CFAP221: variants seen among roughly 807,000 people sequenced by gnomAD.
The protein encoded by CFAP221 is cilia and flagella associated protein 221, also known as cilia- and flagella-associated protein 221.
In CFAP221, 97 loss-of-function variants were observed where a neutral mutation model predicts 113.1. That is an observed-to-expected ratio of 0.86 (90% CI 0.73 to 1.02). The LOEUF is 1.02. CFAP221 is among the 50% of genes least tolerant of loss of function. The pLI is 0.00. For missense variants in CFAP221, 1,025 were observed against 1,013.4 expected (o/e 1.01, Z -0.16); for synonymous variants, 331 against 354.4 (o/e 0.93, Z 0.74).
At chr2:119,578,250 A>G (rs530481263) in intron 6 of CFAP221, among the ~76,000 whole-genome samples, 120 of 152,366 alleles carry the variant, frequency 7.9e-4, no homozygotes, top group Middle Eastern at 3.4e-3. Context: ...CTATTAGTTA[A>G]GTAGTCCTAG....
At position 119,547,503 on chromosome 2, in the gene CFAP221, G is replaced by A. The variant is rs1452402120; in HGVS notation, c.139+1233G>A. Among the ~76,000 whole-genome samples, 12 of 152,268 alleles carry A rather than the reference G, an allele frequency of 7.9e-5. No homozygotes were observed. In the East Asian group the frequency reaches 1.9e-3, roughly 25 times the overall value. ...GAACCCAGGAGGCGGAGGTTGCAGT[G>A]AGCCAAGATGGCGCCACTGCACTCC... is the stretch of plus-strand genomic sequence containing the variant. On this transcript the variant is annotated intron_variant, in intron 2 of 23. Coordinates refer to ENST00000413369, the MANE Select transcript of CFAP221 (RefSeq NM_001271049.2).
At chr2:119,602,476 C>T (rs546898630) in intron 8 of CFAP221, 2 of 331,610 alleles carry the variant, frequency 6.0e-6, no homozygotes, top group African/African-American at 2.2e-5. Context: ...TGGTTTTCCT[C>T]TTCTTTGCGC....
At chr2:119,592,078 C>T (rs960746470) in intron 7 of CFAP221, among the ~76,000 whole-genome samples, 2 of 152,014 alleles carry the variant, frequency 1.3e-5, no homozygotes, top group Non-Finnish European at 2.9e-5. Context: ...TCTCATCACT[C>T]CAGAAATATC....
intron 4 of CFAP221, 45 bp downstream of exon 4, chr2:119,559,820 G>A (rs745451256): frequency 4.7e-6 from 7 of 1,486,904 alleles, no homozygotes; most frequent in Middle Eastern, 1.7e-4. Context: ...GTGGTTGTCT[G>A]CGTCTCAGGC....
chr2:119,630,044 T>C, intron 17 of CFAP221, 89 bp downstream of exon 17: 1 of 1,198,756 alleles, frequency 8.3e-7, no homozygotes, highest in Non-Finnish European at 1.2e-6. Flanking sequence ...TTTATAGTTT[T>C]GCTTTATGGT....
chr2:119,563,493 T>A (rs2104547549), intron 6 of CFAP221, among the ~76,000 whole-genome samples: 1 of 152,264 alleles, frequency 6.6e-6, no homozygotes, highest in South Asian at 2.1e-4. Context: ...ATATATACTG[T>A]CCTGAGTCCC....
chr2:119,583,428 TCA>T (rs1682983375), intron 6 of CFAP221, among the ~76,000 whole-genome samples: 1 of 136,272 alleles, frequency 7.3e-6, no homozygotes, highest in African/African-American at 2.8e-5. Flanking sequence ...ATTTTATGAC[TCA>T]CACTGGGATT....
chr2:119,549,231 C>A (rs796159496), intron 3 of CFAP221, 46 bp downstream of exon 3: 1 of 1,358,388 alleles, frequency 7.4e-7, no homozygotes, highest in Non-Finnish European at 1.0e-6. Flanking sequence ...AATGAAGTGA[C>A]AAAAATGTTC....
chr2:119,563,211 G>C (rs934667208), intron 6 of CFAP221, among the ~76,000 whole-genome samples: 2 of 152,128 alleles, frequency 1.3e-5, no homozygotes, highest in South Asian at 4.1e-4. Context: ...ACATTCTCCT[G>C]TGTACTTCAA....
rs28660282 is a variant in CFAP221 at position 119,648,027 on chromosome 2, A to C, written c.2318+977A>C. 1.9e-3 allele frequency among the ~76,000 whole-genome samples: 290 copies of C among 152,274 alleles called. 1 individual carries two copies. The highest frequency in any genetic ancestry group is 6.5e-3 in the African/African-American group (271 of 41,564). On this transcript the variant is annotated intron_variant, in intron 22 of 23. Coordinates refer to ENST00000413369, the MANE Select transcript of CFAP221 (RefSeq NM_001271049.2). ...CACTGACTTCACCTCTCAGTGCCCC[A>C]ATGTCCTCATTTTCAAATGGAATGA...
rs758283586 is a variant in CFAP221 at position 119,611,666 on chromosome 2, A to G, written c.1235A>G (p.Asp412Gly). 1.9e-6 allele frequency: 3 copies of G among 1,613,364 alleles called. No individual in the cohort carries two copies. Among genetic ancestry groups the G allele is most frequent in the Admixed American group, 3.3e-5 (2 of 59,772 alleles). Residue 412 changes from aspartate to glycine, a missense_variant, in exon 13 of 24, where the codon GAT (aspartate) becomes GGT (glycine). Asp to Gly is a moderately conservative substitution (Grantham distance 94). Transcript: ENST00000413369. Reference sequence around the variant, plus strand: ...TTAAAAACCCAGCTAGACAGAGGAGATCCTATTTTGGATGAGGAATTTCAG... The same window carrying G: ...TTAAAAACCCAGCTAGACAGAGGAGGTCCTATTTTGGATGAGGAATTTCAG... Reference protein sequence around the residue: ...ACAKYKLDRGDPILDEEFQRL... With the variant: ...ACAKYKLDRGGPILDEEFQRL...
At chr2:119,556,678 G>A (rs965942257) in intron 3 of CFAP221, among the ~76,000 whole-genome samples, 2 of 151,150 alleles carry the variant, frequency 1.3e-5, no homozygotes, top group African/African-American at 4.9e-5. Context: ...TCAGCCTCCC[G>A]AGTAGCTGGG....
chr2:119,651,874 C>T (rs1222446377), intron 22 of CFAP221, 100 bp from the exon 23 acceptor site: 4 of 889,768 alleles, frequency 4.5e-6, no homozygotes, highest in Non-Finnish European at 4.9e-6. Context: ...AGTTGAATAC[C>T]ACAAGAATTG....
chr2:119,557,052 C>T (rs1046566687), intron 3 of CFAP221: 2 of 152,118 alleles, frequency 1.3e-5, no homozygotes, highest in African/African-American at 4.8e-5. Flanking sequence ...TTCCTGTCTT[C>T]CTTGGGACCA....
At chr2:119,636,086 C>T (rs1330640100) in intron 19 of CFAP221, among the ~76,000 whole-genome samples, 2 of 151,996 alleles carry the variant, frequency 1.3e-5, no homozygotes, top group East Asian at 3.8e-4. Context: ...GAACTCTTCT[C>T]TAACGGTGGC....
intron 3 of CFAP221, 102 bp from the exon 4 acceptor site, chr2:119,559,587 A>G (rs1455835456): frequency 8.6e-6 from 8 of 933,188 alleles, no homozygotes; most frequent in Non-Finnish European, 1.1e-5. Flanking sequence ...AATATAGGAT[A>G]TCTCCTCAAA....
chr2:119,600,198 T>C (rs6757992), intron 7 of CFAP221, among the ~76,000 whole-genome samples: 137,164 of 152,224 alleles, frequency 0.9, 62,270 homozygotes, highest in South Asian at 0.97. Flanking sequence ...CTTTCTTCGC[T>C]TTTTCTCTCC....
intron 6 of CFAP221, among the ~76,000 whole-genome samples, chr2:119,582,126 TC>T (rs1682888297): frequency 6.6e-6 from 1 of 152,168 alleles, no homozygotes; most frequent in Non-Finnish European, 1.5e-5. Context: ...CGTAAGAATT[TC>T]CCACACACAA....
chr2:119,561,277 G>A (rs555882605), intron 5 of CFAP221, among the ~76,000 whole-genome samples: 67 of 151,896 alleles, frequency 4.4e-4, no homozygotes, highest in African/African-American at 1.4e-3. Flanking sequence ...GCAACAAAGC[G>A]AGACTCCATC....
Sources: gnomAD v4.1 joint callset for allele counts (sites outside exome capture counted in the v4.1 genomes callset) on GRCh38, gnomAD v4.1.1 for gene constraint, MANE v1.5 for transcripts, NCBI Gene and HGNC (gene_info 2026-07-23, HGNC 2026-07-21) for gene names.